PLEKHM3: variants seen among roughly 807,000 people sequenced by gnomAD.
PLEKHM3 encodes the protein pleckstrin homology domain-containing family M member 3.
A neutral mutation model predicts 81.8 loss-of-function variants in PLEKHM3; 45 were observed. The observed-to-expected ratio is 0.55, with a 90% CI of 0.43 to 0.71. PLEKHM3 has a LOEUF of 0.71. Among genes scored for constraint, PLEKHM3 ranks in the 30% least tolerant of loss-of-function variants. The probability of loss-of-function intolerance (pLI) is 0.00; values close to 1 mark genes in which losing one functional copy is unlikely to be tolerated. For synonymous variants in PLEKHM3, 352 were observed against 356.4 expected (o/e 0.99, Z 0.14); for missense variants, 788 against 924.3 (o/e 0.85, Z 1.91).
intron 6 of PLEKHM3, among the ~76,000 whole-genome samples, chr2:207,861,801 T>A (rs932049028): frequency 1.3e-5 from 2 of 152,222 alleles, no homozygotes; most frequent in Non-Finnish European, 2.9e-5. Context: ...GGCAGCCTGA[T>A]GGCCATTTTC....
intron 6 of PLEKHM3, among the ~76,000 whole-genome samples, chr2:207,874,644 T>G (rs2092551885): frequency 6.6e-6 from 1 of 150,382 alleles, no homozygotes; most frequent in Admixed American, 6.6e-5. Context: ...CAGGCTGGAG[T>G]GCAGTGGCAC....
intron 3 of PLEKHM3, among the ~76,000 whole-genome samples, chr2:207,974,579 C>A (rs1691238155): frequency 6.6e-6 from 1 of 152,204 alleles, no homozygotes; most frequent in Non-Finnish European, 1.5e-5. Flanking sequence ...CTGACCACGT[C>A]TGTAATCTAA....
At chr2:207,994,645 C>T (rs1484858015) in intron 2 of PLEKHM3, among the ~76,000 whole-genome samples, 2 of 152,168 alleles carry the variant, frequency 1.3e-5, no homozygotes, top group African/African-American at 2.4e-5. Context: ...TAAGGAGAGG[C>T]ACTGATCCTG....
chr2:207,886,505 TA>T (rs560874752), intron 6 of PLEKHM3, among the ~76,000 whole-genome samples: 4 of 152,216 alleles, frequency 2.6e-5, no homozygotes, highest in Non-Finnish European at 5.9e-5. Context: ...CATTTACGTT[TA>T]AAAGTTTATT....
At chr2:207,856,142 T>A (rs1455031873) in intron 7 of PLEKHM3, among the ~76,000 whole-genome samples, 4 of 152,214 alleles carry the variant, frequency 2.6e-5, no homozygotes, top group African/African-American at 4.8e-5. Flanking sequence ...GAACAATTTT[T>A]AAATTTTTAT....
At chr2:207,833,931 T>C (rs1182860201) in intron 7 of PLEKHM3, among the ~76,000 whole-genome samples, 1 of 152,194 alleles carries the variant, frequency 6.6e-6, no homozygotes, top group Admixed American at 6.5e-5. Flanking sequence ...TTTAAACACA[T>C]CATTTGATTA....
chr2:207,831,855 C>CT (rs1461583634), intron 7 of PLEKHM3, among the ~76,000 whole-genome samples: 1 of 152,220 alleles, frequency 6.6e-6, no homozygotes, highest in Non-Finnish European at 1.5e-5. Context: ...CTGTAACCTT[C>CT]TATCACTAAA....
intron 2 of PLEKHM3, among the ~76,000 whole-genome samples, chr2:207,987,539 C>T (rs555619596): frequency 6.6e-6 from 1 of 152,332 alleles, no homozygotes; most frequent in African/African-American, 2.4e-5. Flanking sequence ...CACATGCGGA[C>T]TCAGCGGGAA....
rs778304035 is a variant in PLEKHM3, at chr2:207,867,073, G to A, written c.1951-5811C>T. 3.5e-4 allele frequency among the ~76,000 whole-genome samples: 53 copies of A among 152,276 alleles called. 1 individual carries two copies. Among genetic ancestry groups the A allele is most frequent in the Admixed American group, 2.4e-3 (36 of 15,294 alleles). On this transcript the variant is annotated intron_variant, in intron 6 of 7. Transcript: ENST00000427836. ...GTCTCATACTTGTTTGAAATATCCC[G>A]TCTTCCAGGCACCCAAGTTCTTGTT...
chr2:207,892,410 A>G (rs1347180311), intron 6 of PLEKHM3, among the ~76,000 whole-genome samples: 2 of 152,224 alleles, frequency 1.3e-5, no homozygotes, highest in East Asian at 3.8e-4. Flanking sequence ...TTAAAATACT[A>G]TAGCTTCTCC....
intron 6 of PLEKHM3, chr2:207,868,448 G>C (rs916785169): frequency 1.3e-5 from 2 of 152,102 alleles, no homozygotes; most frequent in Non-Finnish European, 2.9e-5. Context: ...TAGTGGGGTA[G>C]AGTGGAAAAA....
At position 207,950,561 on chromosome 2, in the gene PLEKHM3, G is replaced by A. The variant is rs116830288; in HGVS notation, c.1547-4049C>T. The stretch of plus-strand genomic sequence containing the variant: ...CAGAAATCTGCATTTCTAATGAAAT[G>A]AGCATCCTCCCCCTCCCATCCTATC... On this transcript the variant is annotated intron_variant, in intron 3 of 7. Transcript: ENST00000427836. 8.9e-3 allele frequency among the ~76,000 whole-genome samples: 1,356 copies of A among 152,192 alleles called. 16 individuals carry two copies. The highest frequency in any genetic ancestry group is 0.031 in the African/African-American group (1,277 of 41,502).
chr2:207,845,075 G>A (rs983074369), intron 7 of PLEKHM3, among the ~76,000 whole-genome samples: 3 of 152,204 alleles, frequency 2.0e-5, no homozygotes, highest in East Asian at 1.9e-4. Context: ...AATGGTAGCT[G>A]TAGATAGTTG....
chr2:207,870,674 C>G (rs2092528827), intron 6 of PLEKHM3, among the ~76,000 whole-genome samples: 1 of 152,206 alleles, frequency 6.6e-6, no homozygotes, highest in Non-Finnish European at 1.5e-5. Flanking sequence ...TGGCCTTGGC[C>G]AGGTGAGTTC....
At chr2:207,850,607 C>T (rs2092407104) in intron 7 of PLEKHM3, among the ~76,000 whole-genome samples, 1 of 152,134 alleles carries the variant, frequency 6.6e-6, no homozygotes, top group South Asian at 2.1e-4. Flanking sequence ...AATAGCATCT[C>T]TGCAGAAATG....
At chr2:207,934,604 A>G (rs1278569594) in intron 4 of PLEKHM3, among the ~76,000 whole-genome samples, 1 of 152,328 alleles carries the variant, frequency 6.6e-6, no homozygotes, top group South Asian at 2.1e-4. Context: ...TGCCATCTAC[A>G]TGATTCAAGA....
chr2:208,020,051 C>A (rs981042883), intron 1 of PLEKHM3, among the ~76,000 whole-genome samples: 12 of 152,200 alleles, frequency 7.9e-5, no homozygotes, highest in Non-Finnish European at 1.8e-4. Context: ...TAACCTGCAA[C>A]ACATGTTTTT....
At chr2:207,844,107 T>A (rs2092369598) in intron 7 of PLEKHM3, among the ~76,000 whole-genome samples, 1 of 151,594 alleles carries the variant, frequency 6.6e-6, no homozygotes, top group African/African-American at 2.4e-5. Context: ...AGGACTTAAC[T>A]CCATTCTCAA....
intron 7 of PLEKHM3, among the ~76,000 whole-genome samples, chr2:207,832,440 A>G (rs1162183817): frequency 6.6e-6 from 1 of 152,232 alleles, no homozygotes; most frequent in Non-Finnish European, 1.5e-5. Context: ...TTTACATTAA[A>G]AAATGTAATA....
Sources: gnomAD v4.1 joint callset for allele counts (sites outside exome capture counted in the v4.1 genomes callset) on GRCh38, gnomAD v4.1.1 for gene constraint, MANE v1.5 for transcripts, NCBI Gene and HGNC (gene_info 2026-07-23, HGNC 2026-07-21) for gene names.